The following DDX10 variants were observed in gnomAD, a reference collection of about 807,000 sequenced individuals.
DDX10 encodes DEAD-box helicase 10, also known as probable ATP-dependent RNA helicase DDX10.
Under a neutral mutation model 104.3 loss-of-function variants are expected in DDX10, and 74 were observed. The ratio of observed to expected loss-of-function variants is 0.71; its 90% CI spans 0.59 to 0.86. The LOEUF (loss-of-function observed/expected upper bound fraction) is 0.86. Among genes scored for constraint, DDX10 ranks in the 40% least tolerant of loss-of-function variants. The pLI, the probability that DDX10 is intolerant of heterozygous loss-of-function variation, is 0.00. For synonymous variants in DDX10, 351 were observed against 353.4 expected, an observed-to-expected ratio of 0.99 and a Z score of 0.08; for missense variants, 952 against 1,040.0, an observed-to-expected ratio of 0.92 and a Z score of 1.16.
intron 13 of DDX10, among the ~76,000 whole-genome samples, chr11:108,772,583 C>T (rs1002304681): frequency 6.6e-6 from 1 of 152,202 alleles, no homozygotes. Context: ...CTTCTGGCTT[C>T]TAGAACTTAA....
At chr11:108,890,572 A>G (rs1863362090) in intron 16 of DDX10, among the ~76,000 whole-genome samples, 1 of 151,798 alleles carries the variant, frequency 6.6e-6, no homozygotes, top group Non-Finnish European at 1.5e-5. Context: ...GCCACTTAAA[A>G]AAAAAAAAAA....
intron 16 of DDX10, among the ~76,000 whole-genome samples, chr11:108,884,266 A>G (rs1218367844): frequency 1.3e-5 from 2 of 152,134 alleles, no homozygotes; most frequent in African/African-American, 4.8e-5. Flanking sequence ...ATATGCCATC[A>G]TTACTCACCA....
At chr11:108,745,254 ACCTTCCTTT>A (rs1271815984) in intron 13 of DDX10, among the ~76,000 whole-genome samples, 78 of 107,650 alleles carry the variant, frequency 7.2e-4, no homozygotes, top group Middle Eastern at 7.9e-3. Flanking sequence ...TTCCTTCTTT[ACCTTCCTTT>A]CCTTCCTTTC....
chr11:108,899,012 G>C (rs964872816), intron 16 of DDX10, among the ~76,000 whole-genome samples: 2 of 152,170 alleles, frequency 1.3e-5, no homozygotes, highest in Non-Finnish European at 2.9e-5. Context: ...CTTCAAGCAA[G>C]CCACCAGAAA....
chr11:108,803,057 A>G (rs17108571), intron 13 of DDX10, among the ~76,000 whole-genome samples: 21,663 of 152,262 alleles, frequency 0.14, 1,653 homozygotes, highest in East Asian at 0.25. Flanking sequence ...CTCTACGATT[A>G]CACATACATG....
At chr11:108,715,152 A>C (rs1317607612) in intron 10 of DDX10, among the ~76,000 whole-genome samples, 1 of 151,754 alleles carries the variant, frequency 6.6e-6, no homozygotes, top group African/African-American at 2.4e-5. Flanking sequence ...AATCACTACA[A>C]TCTTTGGCTA....
rs190754852 is a variant in DDX10, at chr11:108,883,399, T to C, written c.2304+31190T>C. Among the ~76,000 whole-genome samples the C allele has an allele frequency of 2.1e-3, 315 of 152,330 alleles. 1 individual carries two copies. The highest frequency in any genetic ancestry group is 7.3e-3 in the African/African-American group (303 of 41,578). ...CGAATGAATCGTCCCAACTGCAGTT[T>C]AAGGCCAGCCTCTCTATTTGGTTGC... On this transcript the variant is annotated intron_variant, in intron 16 of 17. Coordinates refer to ENST00000322536, the MANE Select transcript of DDX10 (RefSeq NM_004398.4).
chr11:108,892,042 C>T (rs941375070), intron 16 of DDX10, among the ~76,000 whole-genome samples: 3 of 152,080 alleles, frequency 2.0e-5, no homozygotes, highest in Non-Finnish European at 4.4e-5. Flanking sequence ...TTGTCTTATG[C>T]TTTATGTAGT....
At chr11:108,866,913 G>A (rs953870286) in intron 16 of DDX10, among the ~76,000 whole-genome samples, 3 of 152,144 alleles carry the variant, frequency 2.0e-5, no homozygotes, top group Non-Finnish European at 4.4e-5. Context: ...ACTTATGACT[G>A]GTATAAAGAA....
At chr11:108,730,664 A>G (rs776433839) in intron 13 of DDX10, among the ~76,000 whole-genome samples, 1 of 152,194 alleles carries the variant, frequency 6.6e-6, no homozygotes, top group Non-Finnish European at 1.5e-5. Context: ...TGAACTTCCT[A>G]TAAATGTGAG....
intron 16 of DDX10, among the ~76,000 whole-genome samples, chr11:108,898,037 C>T (rs1006177748): frequency 1.3e-5 from 2 of 152,106 alleles, no homozygotes; most frequent in South Asian, 2.1e-4. Flanking sequence ...AAAAAGTTCA[C>T]TCCCCGAAAT....
chr11:108,767,418 G>A (rs573124141), intron 13 of DDX10: 10 of 152,216 alleles, frequency 6.6e-5, no homozygotes, highest in East Asian at 1.9e-4. Flanking sequence ...AGTATAAGAC[G>A]TTGATTACTA....
intron 13 of DDX10, among the ~76,000 whole-genome samples, chr11:108,827,715 G>C (rs1591828775): frequency 6.6e-6 from 1 of 151,972 alleles, no homozygotes; most frequent in South Asian, 2.1e-4. Flanking sequence ...TGCCCACCCT[G>C]CTCCCCATCC....
chr11:108,919,334 T>C (rs1465610971), intron 17 of DDX10: 1 of 152,142 alleles, frequency 6.6e-6, no homozygotes, highest in Admixed American at 6.5e-5. Context: ...AATATACAAA[T>C]GTTTGTGCCA....
intron 16 of DDX10, among the ~76,000 whole-genome samples, chr11:108,875,931 A>G (rs982302099): frequency 6.6e-6 from 1 of 152,182 alleles, no homozygotes; most frequent in African/African-American, 2.4e-5. Flanking sequence ...GTGGGAACCT[A>G]ACTTAGAGTG....
At chr11:108,940,185 T>G in intron 17 of DDX10, 61 bp from the exon 18 acceptor site, 2 of 1,527,084 alleles carry the variant, frequency 1.3e-6, no homozygotes, top group Non-Finnish European at 1.8e-6. Flanking sequence ...AATTTTGTCC[T>G]ATTTTAAATG....
At chr11:108,781,883 GCTT>G (rs909273243) in intron 13 of DDX10, among the ~76,000 whole-genome samples, 2 of 151,940 alleles carry the variant, frequency 1.3e-5, no homozygotes, top group African/African-American at 4.8e-5. Context: ...TGTTAAAAAT[GCTT>G]CTTCTGTAAT....
chr11:108,846,276 A>G (rs970639539), intron 15 of DDX10, among the ~76,000 whole-genome samples: 1 of 152,214 alleles, frequency 6.6e-6, no homozygotes, highest in Non-Finnish European at 1.5e-5. Context: ...GAGAACATTT[A>G]AAATCCATTC....
At chr11:108,846,701 A>G (rs554093124) in intron 15 of DDX10, among the ~76,000 whole-genome samples, 5 of 152,306 alleles carry the variant, frequency 3.3e-5, no homozygotes, top group African/African-American at 1.2e-4. Flanking sequence ...GTTTTTCCAC[A>G]TCTTGACTAT....
Sources: gnomAD v4.1 joint callset for allele counts (sites outside exome capture counted in the v4.1 genomes callset) on GRCh38, gnomAD v4.1.1 for gene constraint, MANE v1.5 for transcripts, NCBI Gene and HGNC (gene_info 2026-07-23, HGNC 2026-07-21) for gene names.